Variants in ATP2B2 observed in about 807,000 individuals in gnomAD.
The protein encoded by ATP2B2 is ATPase plasma membrane Ca2+ transporting 2, also known as plasma membrane calcium-transporting ATPase 2.
In ATP2B2, 15 loss-of-function variants were observed where a neutral mutation model predicts 120.0. The ratio of observed to expected loss-of-function variants is 0.12; its 90% CI spans 0.08 to 0.19. The LOEUF is 0.19. Among genes scored for constraint, ATP2B2 ranks in the 10% least tolerant of loss-of-function variants. The probability of loss-of-function intolerance (pLI) is 1.00; values close to 1 mark genes in which losing one functional copy is unlikely to be tolerated. For missense variants in ATP2B2, 1,045 were observed against 1,719.8 expected (o/e 0.61, Z 6.94); for synonymous variants, 694 against 700.3 (o/e 0.99, Z 0.14).
At chr3:10,646,049 G>T (rs76151309) in intron 1 of ATP2B2, among the ~76,000 whole-genome samples, 3,491 of 152,234 alleles carry the variant, frequency 0.023, 68 homozygotes, top group South Asian at 0.086. Context: ...GGCGACCTGA[G>T]AGCCCCAGTG....
chr3:10,434,655 G>A (rs2063420685), intron 2 of ATP2B2, among the ~76,000 whole-genome samples: 1 of 152,268 alleles, frequency 6.6e-6, no homozygotes, highest in Non-Finnish European at 1.5e-5. Context: ...GAGCAGAGGA[G>A]CCAATGCTGG....
chr3:10,344,543 G>A (rs1287180031), intron 18 of ATP2B2, among the ~76,000 whole-genome samples: 1 of 152,234 alleles, frequency 6.6e-6, no homozygotes, highest in Non-Finnish European at 1.5e-5. Flanking sequence ...GCTCCTGTGG[G>A]CATGGGCTTG....
At chr3:10,594,909 AGAGGTTTTAACT>A (rs139002353) in intron 2 of ATP2B2, among the ~76,000 whole-genome samples, 2,424 of 152,346 alleles carry the variant, frequency 0.016, 38 homozygotes, top group Non-Finnish European at 0.025. Context: ...CCAGCTGGTT[AGAGGTTTTAACT>A]TAGGTCTGCC....
In ATP2B2 at chr3:10,371,840, G is replaced by A; in HGVS notation, c.1628C>T (p.Ala543Val). 1.2e-6 allele frequency: 2 copies of A among 1,614,166 alleles called. No homozygotes were observed. Among genetic ancestry groups the A allele is most frequent in the Non-Finnish European group, 1.7e-6 (2 of 1,180,028 alleles). Residue 543 changes from alanine (A) to valine (V), a missense_variant, in exon 12 of 23, where the codon GCC (alanine) becomes GTC (valine). This residue lies in a region of ATP2B2 where 343 missense variants were observed against 536.8 expected (regional missense o/e 0.64). Coordinates refer to ENST00000360273, the MANE Select transcript of ATP2B2 (RefSeq NM_001001331.4). ...KTMELLINAIAINSAYTTKIL... is the reference protein window; with the variant it reads ...KTMELLINAIVINSAYTTKIL... Reference sequence around the variant, plus strand: ...CTTGGTGGTGTAGGCGCTGTTGATGGCGATGGCATTGATCAGCAGCTCCAT... The same window carrying A: ...CTTGGTGGTGTAGGCGCTGTTGATGACGATGGCATTGATCAGCAGCTCCAT...
chr3:10,655,257 TCTC>T (rs1241470211), intron 1 of ATP2B2, among the ~76,000 whole-genome samples: 1 of 133,672 alleles, frequency 7.5e-6, no homozygotes, highest in Non-Finnish European at 1.5e-5. Context: ...CCCCCTCCAC[TCTC>T]CTCCCTCTCC....
chr3:10,349,957 GA>G (rs1259609464), intron 16 of ATP2B2, among the ~76,000 whole-genome samples, 154 bp downstream of exon 16: 1 of 152,030 alleles, frequency 6.6e-6, no homozygotes, highest in Non-Finnish European at 1.5e-5. Context: ...TCCTGGGGCT[GA>G]AAAGGGGGTG....
In ATP2B2 at chr3:10,410,760, G is replaced by A; in HGVS notation, c.255C>T (p.Asn85=). The stretch of plus-strand genomic sequence containing the variant: ...TTTTTGGCTTCTTTGGAGGTATAAA[G>A]TTTTGCCCAAAAATTTGCTTTCTCT... ...LEKRKQIFGQ[N]FIPPKKPKTF... is the part of the protein sequence containing the mutation. Residue 85 remains asparagine, a synonymous_variant, in exon 3 of 23, where the codon AAC becomes AAT. Coordinates refer to ENST00000360273, the MANE Select transcript of ATP2B2 (RefSeq NM_001001331.4). 6.2e-7 allele frequency: 1 copy of A among 1,614,200 alleles called. No homozygotes were observed. The highest frequency in any genetic ancestry group is 1.1e-5 in the South Asian group (1 of 91,078).
intron 2 of ATP2B2, among the ~76,000 whole-genome samples, chr3:10,608,215 A>C (rs1363317073): frequency 6.6e-6 from 1 of 152,042 alleles, no homozygotes; most frequent in African/African-American, 2.4e-5. Flanking sequence ...CTCCATCCAC[A>C]CTGTAGTTTT....
At chr3:10,553,774 A>C (rs1015305406) in intron 2 of ATP2B2, among the ~76,000 whole-genome samples, 1 of 152,176 alleles carries the variant, frequency 6.6e-6, no homozygotes, top group Non-Finnish European at 1.5e-5. Context: ...TATCGAGATA[A>C]TCCAAAGTTT....
At chr3:10,401,305 C>G (rs2062210944) in intron 4 of ATP2B2, among the ~76,000 whole-genome samples, 1 of 152,202 alleles carries the variant, frequency 6.6e-6, no homozygotes, top group Non-Finnish European at 1.5e-5. Context: ...TGGGGCCCTG[C>G]AACCCTCGCT....
chr3:10,378,108 G>A (rs1456482890), intron 10 of ATP2B2, 144 bp downstream of exon 10: 10 of 1,120,836 alleles, frequency 8.9e-6, no homozygotes, highest in Non-Finnish European at 6.2e-6. Context: ...CAGACTGGGT[G>A]CTGTGGTAGA....
intron 1 of ATP2B2, among the ~76,000 whole-genome samples, chr3:10,685,497 T>TGA (rs146989049): frequency 0.028 from 4,225 of 150,192 alleles, 107 homozygotes; most frequent in South Asian, 0.13. Context: ...CTCACTTGCC[T>TGA]GAGAGAGAGA....
intron 2 of ATP2B2, among the ~76,000 whole-genome samples, chr3:10,427,700 A>G (rs2063187441): frequency 6.6e-6 from 1 of 152,190 alleles, no homozygotes; most frequent in Admixed American, 6.5e-5. Context: ...ATTCCAATCG[A>G]TGGCCACAAA....
At chr3:10,467,664 C>A (rs2064805164) in intron 1 of ATP2B2, among the ~76,000 whole-genome samples, 1 of 152,182 alleles carries the variant, frequency 6.6e-6, no homozygotes. Context: ...AGGCAGAGGA[C>A]ATGCACTGGG....
chr3:10,497,958 G>A (rs184823567), intron 1 of ATP2B2, among the ~76,000 whole-genome samples: 41 of 152,256 alleles, frequency 2.7e-4, no homozygotes, highest in East Asian at 1.5e-3. Context: ...CACCAGCCTG[G>A]TGGCTCTGTT....
intron 1 of ATP2B2, among the ~76,000 whole-genome samples, chr3:10,642,704 A>T (rs1399524163): frequency 1.3e-5 from 2 of 150,118 alleles, no homozygotes; most frequent in Non-Finnish European, 3.0e-5. Context: ...AAAAAAAGGT[A>T]CGGCATGAAA....
At chr3:10,420,158 G>A (rs1287369865) in intron 2 of ATP2B2, among the ~76,000 whole-genome samples, 1 of 152,202 alleles carries the variant, frequency 6.6e-6, no homozygotes, top group Admixed American at 6.5e-5. Context: ...GTGGGGGAGG[G>A]CACCACGTGC....
At chr3:10,429,644 A>G (rs1052567590) in intron 2 of ATP2B2, among the ~76,000 whole-genome samples, 5 of 152,154 alleles carry the variant, frequency 3.3e-5, no homozygotes, top group Non-Finnish European at 5.9e-5. Flanking sequence ...ACAATACTGA[A>G]GTTTGACCAA....
chr3:10,483,950 G>A (rs754198298), intron 1 of ATP2B2, among the ~76,000 whole-genome samples: 4 of 152,080 alleles, frequency 2.6e-5, no homozygotes, highest in African/African-American at 4.8e-5. Flanking sequence ...GTCTCCCCTC[G>A]AGGGATTCAT....
Sources: gnomAD v4.1 joint callset for allele counts (sites outside exome capture counted in the v4.1 genomes callset) on GRCh38, gnomAD v4.1.1 for gene constraint, gnomAD v4.1.1 regional missense constraint, MANE v1.5 for transcripts, NCBI Gene and HGNC (gene_info 2026-07-23, HGNC 2026-07-21) for gene names.